KLHL18: variants seen among roughly 807,000 people sequenced by gnomAD.
KLHL18 encodes kelch-like protein 18.
In KLHL18, 38 loss-of-function variants were observed where a neutral mutation model predicts 58.5. The ratio of observed to expected loss-of-function variants is 0.65; its 90% CI spans 0.50 to 0.85. The LOEUF is 0.85. Among genes scored for constraint, KLHL18 ranks in the 40% least tolerant of loss-of-function variants. The pLI is 0.00. For missense variants in KLHL18, 624 were observed against 778.4 expected (o/e 0.80, Z 2.36); for synonymous variants, 303 against 301.9 (o/e 1.00, Z -0.04).
intron 8 of KLHL18, 24 bp downstream of exon 8, chr3:47,340,700 G>A: frequency 6.2e-7 from 1 of 1,613,314 alleles, no homozygotes; most frequent in Non-Finnish European, 8.5e-7. Context: ...CTCCCTTGGG[G>A]CAACTGGAGC....
chr3:47,320,598 G>T (rs150914557), intron 2 of KLHL18, among the ~76,000 whole-genome samples: 32 of 152,236 alleles, frequency 2.1e-4, no homozygotes, highest in African/African-American at 7.2e-4. Flanking sequence ...ACCGGAAGAG[G>T]ATTTATATAC....
At chr3:47,316,774 C>CATATATACATATATATGTGTGTAT (rs1703463368) in intron 1 of KLHL18, among the ~76,000 whole-genome samples, 1 of 120,776 alleles carries the variant, frequency 8.3e-6, no homozygotes, top group Non-Finnish European at 1.6e-5. Flanking sequence ...TGTATATATA[C>CATATATACATATATATGTGTGTAT]ATATATACAT....
At chr3:47,304,143 A>G (rs1703086114) in intron 1 of KLHL18, among the ~76,000 whole-genome samples, 1 of 152,158 alleles carries the variant, frequency 6.6e-6, no homozygotes, top group Non-Finnish European at 1.5e-5. Context: ...GGCCATTTGC[A>G]CTTTATTCTT....
chr3:47,319,897 C>A, intron 2 of KLHL18, 114 bp downstream of exon 2: 2 of 1,109,530 alleles, frequency 1.8e-6, no homozygotes, highest in Non-Finnish European at 2.6e-6. Flanking sequence ...CCTAGCTCTA[C>A]ACAAATAATA....
intron 1 of KLHL18, chr3:47,297,642 G>A: frequency 2.2e-6 from 1 of 456,434 alleles, no homozygotes. Context: ...TGCCAGTCCT[G>A]AGCCAGAAGG....
chr3:47,340,720 G>A, intron 8 of KLHL18, 44 bp downstream of exon 8: 1 of 1,609,872 alleles, frequency 6.2e-7, no homozygotes. Context: ...CTTATAAACA[G>A]AGAGTATAAA....
In KLHL18 at chr3:47,299,685, G is replaced by C. The variant is rs191521851; in HGVS notation, c.129+16591G>C. Among the ~76,000 whole-genome samples the C allele has an allele frequency of 1.5e-4, 23 of 152,024 alleles. No homozygotes were observed. The East Asian group carries it at 3.3e-3, about 22-fold the overall frequency. On this transcript the variant is annotated intron_variant, in intron 1 of 9. Coordinates refer to ENST00000232766, the MANE Select transcript of KLHL18 (RefSeq NM_025010.5). ...CCACAAGAAATAGAAAAATTAGCCA[G>C]ATGTTGTGGCACATGCCTGTAGTTG...
Position 47,319,771 on chromosome 3 carries a change from G to T in KLHL18, c.248G>T (p.Gly83Val). ...ECKQDEIVMQ[G>V]MDPSALEALI... is the part of the protein sequence containing the mutation. ...AAGCAGGATGAGATTGTAATGCAAG[G>T]AATGGACCCAAGGTACTGAATCCCA... is the stretch of plus-strand genomic sequence containing the variant. The change falls in exon 2 of 10, where the codon GGA (glycine) becomes GTA (valine). Residue 83 changes from glycine (G) to valine (V), a missense_variant. Gly to Val is a moderately radical substitution (Grantham distance 109). Coordinates refer to ENST00000232766, the MANE Select transcript of KLHL18 (RefSeq NM_025010.5). The T allele has an allele frequency of 6.2e-7, 1 of 1,613,740 alleles. No homozygotes were observed. Among genetic ancestry groups the T allele is most frequent in the South Asian group, 1.1e-5 (1 of 91,058 alleles).
chr3:47,325,309 C>T (rs295460), intron 3 of KLHL18, among the ~76,000 whole-genome samples: 146,642 of 152,230 alleles, frequency 0.96, 70,896 homozygotes, highest in East Asian at 1. Context: ...GCCATTCTCT[C>T]GCCTCAGCCT....
At chr3:47,335,169 A>G (rs1018042867) in intron 6 of KLHL18, among the ~76,000 whole-genome samples, 1 of 152,292 alleles carries the variant, frequency 6.6e-6, no homozygotes, top group East Asian at 1.9e-4. Flanking sequence ...CTTTTGCCCT[A>G]ATATCACATT....
At chr3:47,309,261 C>T (rs1338745952) in intron 1 of KLHL18, among the ~76,000 whole-genome samples, 1 of 152,270 alleles carries the variant, frequency 6.6e-6, no homozygotes, top group Admixed American at 6.5e-5. Flanking sequence ...GTCATCATGG[C>T]CCGTTCTCAA....
chr3:47,298,055 A>G (rs531679672), intron 1 of KLHL18, among the ~76,000 whole-genome samples: 3 of 152,220 alleles, frequency 2.0e-5, no homozygotes, highest in South Asian at 2.1e-4. Flanking sequence ...AATTGCCAAC[A>G]GTTTTTAGAA....
chr3:47,334,640 CA>C lies in KLHL18; in HGVS notation c.762-42del, dbSNP rs771256413. Reference sequence around the variant, plus strand: ...TCAGAGATGCAAACGAGGACTAAGTCAGGGGGATACCTCCTGTTCTAGCATC... The same window carrying C: ...TCAGAGATGCAAACGAGGACTAAGTCGGGGGATACCTCCTGTTCTAGCATC... On this transcript the variant is annotated intron_variant, in intron 5 of 9. Transcript: ENST00000232766. This position sits in a 1 kb window ranked among gnomAD's most constrained non-coding sequence, Gnocchi z 4.7. The C allele has an allele frequency of 5.4e-5, 87 of 1,609,282 alleles. No individual in the cohort carries two copies. The highest frequency in any genetic ancestry group is 7.1e-5 in the Non-Finnish European group (83 of 1,176,372).
chr3:47,340,901 T>G (rs1192590221), intron 8 of KLHL18, among the ~76,000 whole-genome samples: 1 of 152,170 alleles, frequency 6.6e-6, no homozygotes, highest in Non-Finnish European at 1.5e-5. Flanking sequence ...TTGGAAATAC[T>G]TATTTAATGG....
rs528164841 is a variant in KLHL18, at chr3:47,286,734, C to T, written c.129+3640C>T. On this transcript the variant is annotated intron_variant, in intron 1 of 9. Coordinates refer to ENST00000232766, the MANE Select transcript of KLHL18 (RefSeq NM_025010.5). ...CTGTCGTTTTTCTGTGGGATGTGTT[C>T]AAAGTCCGTAGATCTTCCTCCAGGC... Among the ~76,000 whole-genome samples the T allele has an allele frequency of 3.3e-5, 5 of 152,176 alleles. 1 individual carries two copies. The South Asian group carries it at 6.3e-4, about 19-fold the overall frequency.
intron 1 of KLHL18, among the ~76,000 whole-genome samples, chr3:47,309,281 G>A (rs1181756208): frequency 1.3e-5 from 2 of 152,170 alleles, no homozygotes; most frequent in African/African-American, 4.8e-5. Flanking sequence ...ATGAGCTGTT[G>A]GGTACACCTC....
chr3:47,315,872 G>T (rs1039396520), intron 1 of KLHL18, among the ~76,000 whole-genome samples: 5 of 152,120 alleles, frequency 3.3e-5, no homozygotes, highest in Admixed American at 2.6e-4. Flanking sequence ...AGATGAACAG[G>T]ATTCTTTTAA....
chr3:47,321,423 T>C (rs1404473352), intron 2 of KLHL18, among the ~76,000 whole-genome samples: 1 of 150,272 alleles, frequency 6.7e-6, no homozygotes, highest in Non-Finnish European at 1.5e-5. Flanking sequence ...CTCTGTTCAC[T>C]GCAACAACCT....
At position 47,345,545 on chromosome 3, in the gene KLHL18, AGAG is replaced by A. The variant is rs1171554632; in HGVS notation, c.*1610_*1612del. ...CCTAATGTAGCACAGCGGGACTCAA[AGAG>A]GAGGACATTTTCTCTTGCCAGTGCA... On this transcript the variant is annotated 3_prime_UTR_variant, in exon 10 of 10. Transcript: ENST00000232766. 6.6e-5 allele frequency: 10 copies of A among 152,656 alleles called. No individual in the cohort carries two copies. Among genetic ancestry groups the A allele is most frequent in the African/African-American group, 1.9e-4 (8 of 41,438 alleles). 9.5% of individuals were successfully genotyped at this position (152,656 alleles called of 1,614,324 possible). A position where few individuals can be genotyped will look rare whatever the true frequency, so the allele number is the denominator to read the frequency against.
Sources: allele counts gnomAD v4.1 joint callset (sites outside exome capture counted in the v4.1 genomes callset), GRCh38; gene constraint gnomAD v4.1.1; non-coding constraint Gnocchi (gnomAD v3.1); transcripts MANE v1.5; gene names NCBI Gene and HGNC (gene_info 2026-07-23, HGNC 2026-07-21).